Variants in FGFR2 observed in about 807,000 individuals in gnomAD.
The protein encoded by FGFR2 is fibroblast growth factor receptor 2, also known as BEK fibroblast growth factor receptor.
FGFR2 carries 19 observed loss-of-function variants against 95.9 expected under a neutral mutation model. The ratio of observed to expected loss-of-function variants is 0.20; its 90% CI spans 0.14 to 0.29. FGFR2 has a LOEUF of 0.29. Ranked by LOEUF, FGFR2 falls within the 10% of genes least tolerant of loss-of-function variation. The pLI is 1.00. For synonymous variants in FGFR2, 392 were observed against 393.3 expected (o/e 1.00, Z 0.04); for missense variants, 707 against 1,056.9 (o/e 0.67, Z 4.59).
In FGFR2 at chr10:121,546,185, T is replaced by TAAAAAAAAAAAAA. The variant is rs35408469; in HGVS notation, c.624+5092_624+5104dup. On this transcript the variant is annotated intron_variant, in intron 5 of 17. Transcript: ENST00000358487. ...CTAGCCATGAAGGTAACCTCTTTAT[T>TAAAAAAAAAAAAA]AAAAAAAAAAAAAAAAAATCTGTGC... Among the ~76,000 whole-genome samples the TAAAAAAAAAAAAA allele has an allele frequency of 5.9e-4, 80 of 135,318 alleles. 1 individual carries two copies. Among genetic ancestry groups the TAAAAAAAAAAAAA allele is most frequent in the African/African-American group, 2.4e-3 (78 of 32,778 alleles). 88.8% of individuals were successfully genotyped at this position (135,318 alleles called of 152,430 possible).
intron 7 of FGFR2, 95 bp downstream of exon 7, chr10:121,519,884 C>G (rs1564918131): frequency 8.5e-7 from 1 of 1,177,242 alleles, no homozygotes; most frequent in Non-Finnish European, 1.3e-6. Flanking sequence ...AGAGAATCAT[C>G]CTCTCTCAAC....
At chr10:121,583,764 A>C (rs1323115910) in intron 2 of FGFR2, among the ~76,000 whole-genome samples, 1 of 151,696 alleles carries the variant, frequency 6.6e-6, no homozygotes, top group East Asian at 1.9e-4. Context: ...TCCAGCAAAA[A>C]AAAAAAATCC....
At chr10:121,557,142 C>T (rs1447310722) in intron 4 of FGFR2, among the ~76,000 whole-genome samples, 2 of 152,146 alleles carry the variant, frequency 1.3e-5, no homozygotes, top group African/African-American at 4.8e-5. Flanking sequence ...GAACTGAGCC[C>T]ACTAGCAGAC....
chr10:121,509,335 TC>T (rs1038006706), intron 9 of FGFR2, among the ~76,000 whole-genome samples: 1 of 152,020 alleles, frequency 6.6e-6, no homozygotes, highest in African/African-American at 2.4e-5. Flanking sequence ...CCGGAATCTC[TC>T]CAGCATGTGC....
At chr10:121,487,870 C>T (rs1010554323) in intron 14 of FGFR2, 121 bp downstream of exon 14, 3 of 1,225,290 alleles carry the variant, frequency 2.4e-6, no homozygotes, top group East Asian at 2.3e-5. Context: ...GAACGGGAAT[C>T]GGGGCAGGGG....
Position 121,478,408 on chromosome 10 carries a change from TA to T in FGFR2, c.*1448del. The T allele has an allele frequency of 4.3e-6, 1 of 233,354 alleles. No individual in the cohort carries two copies. The highest frequency in any genetic ancestry group is 8.5e-6 in the Non-Finnish European group (1 of 117,854). The allele number at this position is 233,354 out of a possible 1,614,324, so 14.5% of individuals were successfully genotyped here. A position where few individuals can be genotyped will look rare whatever the true frequency, so the allele number is the denominator to read the frequency against. ...TGTAGAAACATTTTTATTGTCAGTA[TA>T]AAAATTAACAGGTTTTATTAAATAC... is the stretch of plus-strand genomic sequence containing the variant. On this transcript the variant is annotated 3_prime_UTR_variant, in exon 18 of 18. Coordinates refer to ENST00000358487, the MANE Select transcript of FGFR2 (RefSeq NM_000141.5).
chr10:121,540,292 A>G (rs1275184825), intron 5 of FGFR2, among the ~76,000 whole-genome samples: 1 of 152,186 alleles, frequency 6.6e-6, no homozygotes, highest in African/African-American at 2.4e-5. Context: ...ATCTACGGGC[A>G]TCTGATCGAC....
rs755350933 is a variant in FGFR2, at chr10:121,498,518, A to G, written c.1649T>C (p.Leu550Pro). 6.2e-7 allele frequency: 1 copy of G among 1,612,740 alleles called. No individual in the cohort carries two copies. The highest frequency in any genetic ancestry group is 8.5e-7 in the Non-Finnish European group (1 of 1,178,692). The change falls in exon 12 of 18, where the codon CTT becomes CCT. Residue 550 changes from leucine (L) to proline (P), a missense_variant. Around this residue, in one of 7 missense-constraint regions of FGFR2, gnomAD observed 194 missense variants for 267.3 expected, o/e 0.73. Transcript: ENST00000358487. ...MIGKHKNIIN[L>P]LGACTQDGPL... ...ACCATCCTGTGTGCAGGCTCCAAGAAGATTTATGATATTCTTGTGTTTCCC... is the reference window on the plus strand; with the variant it reads ...ACCATCCTGTGTGCAGGCTCCAAGAGGATTTATGATATTCTTGTGTTTCCC...
intron 1 of FGFR2, among the ~76,000 whole-genome samples, chr10:121,595,212 T>G (rs3135715): frequency 0.18 from 27,984 of 152,192 alleles, 2,605 homozygotes; most frequent in East Asian, 0.28. Context: ...ACCCACTCGA[T>G]GTTTCAAGTT....
rs902796871 is a variant in FGFR2 at position 121,589,532 on chromosome 10, G to A, written c.109+4177C>T. On this transcript the variant is annotated intron_variant, in intron 2 of 17. Coordinates refer to ENST00000358487, the MANE Select transcript of FGFR2 (RefSeq NM_000141.5). ...TGATGCGGGGCCATTGGCATAGTAA[G>A]TGCTCTGTCTTTTAACTGGTTGAAA... Among the ~76,000 whole-genome samples, 8 of 152,194 alleles carry A rather than the reference G, an allele frequency of 5.3e-5. No homozygotes were observed. In the East Asian group the frequency reaches 1.5e-3, roughly 29 times the overall value.
chr10:121,518,969 G>T lies in FGFR2; in HGVS notation c.939+1010C>A. 1 of 1,034,644 alleles carries T rather than the reference G, an allele frequency of 9.7e-7. No homozygotes were observed. Among genetic ancestry groups the T allele is most frequent in the Middle Eastern group, 2.7e-4 (1 of 3,764 alleles). The allele number at this position is 1,034,644 out of a possible 1,614,324, so 64.1% of individuals were successfully genotyped here. A position where few individuals can be genotyped will look rare whatever the true frequency, so the allele number is the denominator to read the frequency against. On this transcript the variant is annotated intron_variant, in intron 7 of 17. Transcript: ENST00000358487. This position sits in a 1 kb window ranked among gnomAD's most constrained non-coding sequence, Gnocchi z 4.0. ...GCATTAAAGGGCTGCGGATTTTAAAGAACAAAATCAGTCCAGTGGTGGACA... is the reference window on the plus strand; with the variant it reads ...GCATTAAAGGGCTGCGGATTTTAAATAACAAAATCAGTCCAGTGGTGGACA...
intron 4 of FGFR2, among the ~76,000 whole-genome samples, chr10:121,552,344 C>T (rs915123462): frequency 6.6e-6 from 1 of 152,220 alleles, no homozygotes; most frequent in Non-Finnish European, 1.5e-5. Context: ...ATGACTACTA[C>T]CGACTGAAAG....
rs527389174 is a variant in FGFR2 at position 121,531,598 on chromosome 10, A to T, written c.748+6994T>A. ...CGACTAACAGTTGCATGGTACTATT[A>T]TTTAAAAGCGCTGCCTCTCCTACCA... On this transcript the variant is annotated intron_variant, in intron 6 of 17. Transcript: ENST00000358487. This position sits in a 1 kb window ranked among gnomAD's most constrained non-coding sequence, Gnocchi z 4.5. Among the ~76,000 whole-genome samples the T allele has an allele frequency of 2.5e-4, 38 of 152,198 alleles. 2 individuals are homozygous for T. The South Asian group carries it at 7.9e-3, about 32-fold the overall frequency.
Position 121,525,164 on chromosome 10 carries a change from T to C in FGFR2, c.749-4995A>G, listed in dbSNP as rs187609497. Reference sequence around the variant, plus strand: ...TCTGTTTACTGTAATTTTAATTACATATATACACATATAAGAATAGACGTT... The same window carrying C: ...TCTGTTTACTGTAATTTTAATTACACATATACACATATAAGAATAGACGTT... On this transcript the variant is annotated intron_variant, in intron 6 of 17. Transcript: ENST00000358487. Among the ~76,000 whole-genome samples the C allele has an allele frequency of 2.6e-5, 4 of 152,318 alleles. No homozygotes were observed. The East Asian group carries it at 7.7e-4, about 29-fold the overall frequency.
intron 5 of FGFR2, among the ~76,000 whole-genome samples, chr10:121,545,969 T>A (rs1490206553): frequency 6.6e-6 from 1 of 152,166 alleles, no homozygotes; most frequent in Non-Finnish European, 1.5e-5. Flanking sequence ...GAATGAGCCC[T>A]CTGTCCTGCG....
chr10:121,500,857 C>A lies in FGFR2; in HGVS notation c.1530G>T (p.Glu510Asp), dbSNP rs759906958. 1.9e-6 allele frequency: 3 copies of A among 1,614,218 alleles called. No homozygotes were observed. Among genetic ancestry groups the A allele is most frequent in the Non-Finnish European group, 2.5e-6 (3 of 1,180,048 alleles). ...AVGIDKDKPKEAVTVAVKMLK... is the reference protein window; with the variant it reads ...AVGIDKDKPKDAVTVAVKMLK... Reference sequence around the variant, plus strand: ...ACATCTTCACGGCCACGGTGACCGCCTCCTTGGGCTTGTCTTTGTCAATTC... The same window carrying A: ...ACATCTTCACGGCCACGGTGACCGCATCCTTGGGCTTGTCTTTGTCAATTC... The change falls in exon 11 of 18, where the codon GAG becomes GAT. Residue 510 changes from glutamate to aspartate, a missense_variant. Around this residue, in one of 7 missense-constraint regions of FGFR2, gnomAD observed 194 missense variants for 267.3 expected, o/e 0.73. Coordinates refer to ENST00000358487, the MANE Select transcript of FGFR2 (RefSeq NM_000141.5).
Position 121,556,396 on chromosome 10 carries a change from ACTCTCT to A in FGFR2, c.455-4943_455-4938del, listed in dbSNP as rs35668561. ...TGCTGACACCTAAGGTTTATAATCT[ACTCTCT>A]CTCTCTCTCTCTCTCTCTCTCTCTC... On this transcript the variant is annotated intron_variant, in intron 4 of 17. Coordinates refer to ENST00000358487, the MANE Select transcript of FGFR2 (RefSeq NM_000141.5). 8.4e-3 allele frequency among the ~76,000 whole-genome samples: 1,077 copies of A among 128,022 alleles called. 10 individuals carry two copies. The highest frequency in any genetic ancestry group is 0.046 in the South Asian group (177 of 3,822). 84.0% of individuals were successfully genotyped at this position (128,022 alleles called of 152,430 possible). A position where few individuals can be genotyped will look rare whatever the true frequency, so the allele number is the denominator to read the frequency against.
Position 121,487,495 on chromosome 10 carries a change from C to T in FGFR2, c.1987-71G>A, listed in dbSNP as rs567550407. On this transcript the variant is annotated intron_variant, in intron 14 of 17. Transcript: ENST00000358487. Reference sequence around the variant, plus strand: ...ATTTATCTTAGCAGGCTCAATAGGGCTATGCCCTGTTTAAGAGCTGATATT... The same window carrying T: ...ATTTATCTTAGCAGGCTCAATAGGGTTATGCCCTGTTTAAGAGCTGATATT... The T allele has an allele frequency of 9.9e-5, 126 of 1,266,532 alleles. 1 individual carries two copies. In the East Asian group the frequency reaches 2.9e-3, roughly 30 times the overall value. 78.5% of individuals were successfully genotyped at this position (1,266,532 alleles called of 1,614,324 possible).
At chr10:121,504,025 C>G (rs1011459823) in intron 9 of FGFR2, 84 bp from the exon 10 acceptor site, 5 of 1,534,556 alleles carry the variant, frequency 3.3e-6, no homozygotes, top group African/African-American at 2.7e-5. Flanking sequence ...GCCAGAGTAT[C>G]GAATCTTAGA....
Sources: allele counts gnomAD v4.1 joint callset (sites outside exome capture counted in the v4.1 genomes callset), GRCh38; gene constraint gnomAD v4.1.1; regional missense constraint gnomAD v4.1.1; non-coding constraint Gnocchi (gnomAD v3.1); transcripts MANE v1.5; gene names NCBI Gene and HGNC (gene_info 2026-07-23, HGNC 2026-07-21).